Variants in TRDN observed in about 807,000 individuals in gnomAD.
The protein encoded by TRDN is triadin.
A neutral mutation model predicts 149.7 loss-of-function variants in TRDN; 161 were observed. The ratio of observed to expected loss-of-function variants is 1.08; its 90% CI spans 0.95 to 1.23. The LOEUF is 1.23. Among genes scored for constraint, TRDN ranks in the 50% most tolerant of loss-of-function variants. The pLI is 0.00. For synonymous variants in TRDN, 294 were observed against 250.5 expected (o/e 1.17, Z -1.64); for missense variants, 896 against 823.5 (o/e 1.09, Z -1.08).
chr6:123,475,150 T>G (rs1330268177), intron 9 of TRDN, among the ~76,000 whole-genome samples: 25 of 151,134 alleles, frequency 1.7e-4, no homozygotes, highest in Admixed American at 4.6e-4. Flanking sequence ...ACAAAATTGA[T>G]AGACCACTAG....
intron 21 of TRDN, chr6:123,350,825 C>T (rs1352972042): frequency 1.0e-6 from 1 of 983,670 alleles, no homozygotes; most frequent in Admixed American, 6.2e-5. Context: ...TTCACACAAT[C>T]CAAGAGCCTA....
At chr6:123,239,782 A>G (rs902301288) in intron 38 of TRDN, among the ~76,000 whole-genome samples, 3 of 152,056 alleles carry the variant, frequency 2.0e-5, no homozygotes, top group African/African-American at 7.2e-5. Context: ...TGTTACATAC[A>G]TATGTAAAAG....
At chr6:123,322,855 G>A (rs899985077) in intron 23 of TRDN, among the ~76,000 whole-genome samples, 1 of 151,708 alleles carries the variant, frequency 6.6e-6, no homozygotes, top group African/African-American at 2.4e-5. Flanking sequence ...TAGCCAGGAT[G>A]GTGTTGATCT....
intron 7 of TRDN, among the ~76,000 whole-genome samples, chr6:123,511,724 G>T (rs1583169081): frequency 6.6e-6 from 1 of 152,084 alleles, no homozygotes; most frequent in East Asian, 1.9e-4. Flanking sequence ...GGGCCCACGA[G>T]GCTGAAATCA....
At chr6:123,370,076 A>G (rs1389869636) in intron 19 of TRDN, among the ~76,000 whole-genome samples, 2 of 152,186 alleles carry the variant, frequency 1.3e-5, no homozygotes, top group African/African-American at 4.8e-5. Flanking sequence ...CAGAAGGCAT[A>G]TAACATTTGT....
intron 12 of TRDN, among the ~76,000 whole-genome samples, chr6:123,408,573 G>A (rs1336345031): frequency 6.6e-6 from 1 of 151,856 alleles, no homozygotes; most frequent in African/African-American, 2.4e-5. Context: ...AGCTACTCAG[G>A]AGGCTGAGGC....
intron 23 of TRDN, among the ~76,000 whole-genome samples, chr6:123,322,348 C>A (rs1410270431): frequency 6.6e-6 from 1 of 152,104 alleles, no homozygotes; most frequent in African/African-American, 2.4e-5. Context: ...AAATTTATTT[C>A]CTTTTTAACC....
At chr6:123,355,767 C>A (rs1780647242) in intron 20 of TRDN, among the ~76,000 whole-genome samples, 1 of 151,520 alleles carries the variant, frequency 6.6e-6, no homozygotes, top group Non-Finnish European at 1.5e-5. Context: ...ATAAAATATC[C>A]CTCCATTGAG....
chr6:123,517,495 G>C (rs112739370), intron 5 of TRDN, among the ~76,000 whole-genome samples: 1 of 151,826 alleles, frequency 6.6e-6, no homozygotes, highest in Non-Finnish European at 1.5e-5. Context: ...GCTTAGTATG[G>C]TATCTGTCAC....
At chr6:123,479,862 A>C (rs1234961138) in intron 9 of TRDN, among the ~76,000 whole-genome samples, 1 of 152,198 alleles carries the variant, frequency 6.6e-6, no homozygotes, top group Non-Finnish European at 1.5e-5. Flanking sequence ...ATTTAAATGT[A>C]ATATTCCATA....
chr6:123,451,155 G>A (rs1952840516), intron 10 of TRDN, among the ~76,000 whole-genome samples: 1 of 151,764 alleles, frequency 6.6e-6, no homozygotes, highest in South Asian at 2.1e-4. Flanking sequence ...GACTAAAAAA[G>A]CAAAAATTGA....
intron 24 of TRDN, among the ~76,000 whole-genome samples, chr6:123,299,498 T>G (rs1778326787): frequency 6.6e-6 from 1 of 152,062 alleles, no homozygotes; most frequent in Admixed American, 6.6e-5. Flanking sequence ...CCTGTTTTTC[T>G]TTCTTAAGAT....
At chr6:123,316,361 T>C (rs1404556227) in intron 24 of TRDN, 96 bp downstream of exon 24, 3 of 1,199,956 alleles carry the variant, frequency 2.5e-6, no homozygotes, top group Non-Finnish European at 3.7e-6. Flanking sequence ...GATGTCTAAA[T>C]ATTTTATCCA....
intron 10 of TRDN, among the ~76,000 whole-genome samples, chr6:123,443,801 C>G (rs1775100345): frequency 1.3e-5 from 2 of 148,344 alleles, no homozygotes; most frequent in Non-Finnish European, 1.5e-5. Context: ...GCTTGTTTTT[C>G]TCAGGTTTGT....
chr6:123,587,611 G>A lies in TRDN; in HGVS notation c.23-16479C>T, dbSNP rs545557011. On this transcript the variant is annotated intron_variant, in intron 1 of 40. Transcript: ENST00000334268. ...TCTGAGTCGCGGCACCAAATTTCAT[G>A]TGCGTCCGTGTGAAGAGACCACCAA... is the stretch of plus-strand genomic sequence containing the variant. 6.9e-4 allele frequency among the ~76,000 whole-genome samples: 105 copies of A among 152,046 alleles called. 3 individuals carry two copies. The South Asian group carries it at 1.0e-2, about 14-fold the overall frequency.
At chr6:123,577,906 A>G (rs1782936563) in intron 1 of TRDN, among the ~76,000 whole-genome samples, 2 of 152,084 alleles carry the variant, frequency 1.3e-5, no homozygotes, top group African/African-American at 2.4e-5. Flanking sequence ...AGCTTTCTTC[A>G]TGTGCTTGTT....
chr6:123,277,421 C>G (rs1777407631), intron 26 of TRDN, among the ~76,000 whole-genome samples: 1 of 152,120 alleles, frequency 6.6e-6, no homozygotes, highest in Middle Eastern at 3.2e-3. Flanking sequence ...GGTATGCTTA[C>G]ATCCTAACCT....
At chr6:123,525,896 GC>G (rs899535814) in intron 5 of TRDN, among the ~76,000 whole-genome samples, 3 of 151,964 alleles carry the variant, frequency 2.0e-5, no homozygotes, top group African/African-American at 7.2e-5. Context: ...CCAAATAATG[GC>G]CCTCTAAAGT....
chr6:123,271,228 T>C (rs2114612857), intron 29 of TRDN, 42 bp from the exon 30 acceptor site: 2 of 1,347,374 alleles, frequency 1.5e-6, no homozygotes, highest in Non-Finnish European at 1.0e-6. Context: ...GAAATTTGAA[T>C]ACATCAGTGA....
Sources: allele counts gnomAD v4.1 joint callset (sites outside exome capture counted in the v4.1 genomes callset), GRCh38; gene constraint gnomAD v4.1.1; transcripts MANE v1.5; gene names NCBI Gene and HGNC (gene_info 2026-07-23, HGNC 2026-07-21).